MYLK: variants seen among roughly 807,000 people sequenced by gnomAD.
MYLK encodes myosin light chain kinase, also known as myosin light chain kinase, smooth muscle.
In MYLK, 106 loss-of-function variants were observed where a neutral mutation model predicts 203.4. That is an observed-to-expected ratio of 0.52 (90% CI 0.45 to 0.61). The LOEUF (loss-of-function observed/expected upper bound fraction) is 0.61. MYLK is among the 20% of genes least tolerant of loss of function. The pLI, the probability that MYLK is intolerant of heterozygous loss-of-function variation, is 0.00. For missense variants in MYLK, 2,072 were observed against 2,442.3 expected, an observed-to-expected ratio of 0.85 and a Z score of 3.20; for synonymous variants, 867 against 959.5, an observed-to-expected ratio of 0.90 and a Z score of 1.78.
At chr3:123,625,960 A>G (rs2058127993) in intron 31 of MYLK, among the ~76,000 whole-genome samples, 1 of 152,162 alleles carries the variant, frequency 6.6e-6, no homozygotes, top group African/African-American at 2.4e-5. Context: ...GGTTAAGACT[A>G]TGTGTTTTGC....
At chr3:123,708,175 T>C (rs2061537044) in intron 15 of MYLK, among the ~76,000 whole-genome samples, 172 bp from the exon 16 acceptor site, 1 of 152,166 alleles carries the variant, frequency 6.6e-6, no homozygotes, top group Admixed American at 6.5e-5. Flanking sequence ...TCATTGCACA[T>C]CCATCTCGGA....
intron 5 of MYLK, among the ~76,000 whole-genome samples, chr3:123,743,684 G>C (rs1358795261): frequency 6.6e-6 from 1 of 152,138 alleles, no homozygotes; most frequent in Admixed American, 6.5e-5. Context: ...ATTTTTCAAA[G>C]ACAAGTAAAA....
chr3:123,822,375 G>A (rs745314048), intron 3 of MYLK, among the ~76,000 whole-genome samples: 13 of 152,198 alleles, frequency 8.5e-5, no homozygotes, highest in East Asian at 7.7e-4. Context: ...GTCCCAAAGC[G>A]CAGCCCATAG....
At chr3:123,850,893 CT>C (rs1405798553) in intron 2 of MYLK, among the ~76,000 whole-genome samples, 2 of 152,182 alleles carry the variant, frequency 1.3e-5, no homozygotes, top group African/African-American at 2.4e-5. Context: ...ACATTTAAGT[CT>C]TTAATCCATC....
intron 19 of MYLK, chr3:123,692,252 C>T (rs756094123): frequency 3.9e-6 from 4 of 1,029,162 alleles, no homozygotes; most frequent in Non-Finnish European, 4.7e-6. Flanking sequence ...CTGCCCTGTC[C>T]TCTCTGTCCA....
At position 123,626,948 on chromosome 3, in the gene MYLK, G is replaced by A. The variant is rs780015220; in HGVS notation, c.5115-7C>T. On this transcript the variant is annotated splice_polypyrimidine_tract_variant and splice_region_variant and intron_variant, in intron 30 of 33. Coordinates refer to ENST00000360304, the MANE Select transcript of MYLK (RefSeq NM_053025.4). ...CGTGCAGTCCAGGCGGTTTCTGACA[G>A]AGGCAGAGATCAGGAGATTTTTGAG... 22 of 1,614,048 alleles carry A rather than the reference G, an allele frequency of 1.4e-5. No homozygotes were observed. Among genetic ancestry groups the A allele is most frequent in the Non-Finnish European group, 1.3e-5 (15 of 1,180,016 alleles).
intron 18 of MYLK, among the ~76,000 whole-genome samples, chr3:123,696,359 G>T (rs1452500104): frequency 6.6e-6 from 1 of 152,166 alleles, no homozygotes; most frequent in Non-Finnish European, 1.5e-5. Flanking sequence ...TAGCAGAGCT[G>T]ACAGGGTGGG....
rs1553777406 is a variant in MYLK, at chr3:123,638,124, C to T, written c.4908G>A (p.Glu1636=). ...ACATGTCTGTGGCGTAGCCGATGGG[C>T]TCATAGTTGATCACTTCAGGAGCCA... The part of the protein sequence containing the change: ...EFVAPEVINY[E]PIGYATDMWS... The change falls in exon 29 of 34, where the codon GAG becomes GAA. Residue 1636 remains glutamate, a synonymous_variant. Coordinates refer to ENST00000360304, the MANE Select transcript of MYLK (RefSeq NM_053025.4). 2.5e-6 allele frequency: 4 copies of T among 1,614,138 alleles called. No homozygotes were observed. In the South Asian group the frequency reaches 4.4e-5, roughly 18 times the overall value.
Position 123,822,793 on chromosome 3 carries a change from C to T in MYLK, c.-4+8755G>A, listed in dbSNP as rs74539790. On this transcript the variant is annotated intron_variant, in intron 3 of 33. Coordinates refer to ENST00000360304, the MANE Select transcript of MYLK (RefSeq NM_053025.4). ...CTAGGAAGGGACTAGTCCTGGACTT[C>T]CTTGTCATCACTGTCCCCACACCCA... 6.0e-4 allele frequency among the ~76,000 whole-genome samples: 92 copies of T among 152,298 alleles called. 2 individuals are homozygous for T. The South Asian group carries it at 0.011, about 18-fold the overall frequency.
Position 123,707,758 on chromosome 3 carries a change from G to A in MYLK, c.2386C>T (p.Leu796Phe). The stretch of plus-strand genomic sequence containing the variant: ...TGGCTGGACATGCAGACTCACTTGA[G>A]CAGGATCTCATACTGGCCGGCATGC... Reference protein sequence around the residue: ...PWHAGQYEILLKNRVGECSCQ... With the variant: ...PWHAGQYEILFKNRVGECSCQ... Residue 796 changes from leucine to phenylalanine, a missense_variant, in exon 16 of 34, where the codon CTC (leucine) becomes TTC (phenylalanine). Around this residue, in one of 3 missense-constraint regions of MYLK, gnomAD observed 865 missense variants for 1,016.0 expected, o/e 0.85. Transcript: ENST00000360304. The A allele has an allele frequency of 6.2e-7, 1 of 1,614,214 alleles. No homozygotes were observed. Among genetic ancestry groups the A allele is most frequent in the Non-Finnish European group, 8.5e-7 (1 of 1,180,044 alleles).
intron 27 of MYLK, among the ~76,000 whole-genome samples, chr3:123,641,714 C>T (rs1418287959): frequency 6.7e-6 from 1 of 150,212 alleles, no homozygotes; most frequent in Admixed American, 6.6e-5. Context: ...TCCTTCCTTC[C>T]GTCCTTCCTT....
At chr3:123,626,245 G>A (rs764230552) in intron 31 of MYLK, among the ~76,000 whole-genome samples, 6 of 152,156 alleles carry the variant, frequency 3.9e-5, no homozygotes, top group African/African-American at 1.2e-4. Flanking sequence ...GGATGATCTC[G>A]TGTAATTCTC....
Position 123,752,523 on chromosome 3 carries a change from C to T in MYLK, c.181G>A (p.Glu61Lys). Residue 61 changes from glutamate (E) to lysine (K), a missense_variant, in exon 5 of 34, where the codon GAG becomes AAG. Transcript: ENST00000360304. ...TTTCTGTGCCATGTCACCTGGGGCT[C>T]TGGGTAACCCCGGACCTTCAAGAAA... ...KFEGRVRGYP[E>K]PQVTWHRNGQ... 6.2e-7 allele frequency: 1 copy of T among 1,613,634 alleles called. No homozygotes were observed. The highest frequency in any genetic ancestry group is 8.5e-7 in the Non-Finnish European group (1 of 1,179,956).
Position 123,793,678 on chromosome 3 carries a change from C to A in MYLK, c.164G>T (p.Arg55Leu), listed in dbSNP as rs768984022. 6.2e-7 allele frequency: 1 copy of A among 1,614,092 alleles called. No homozygotes were observed. The highest frequency in any genetic ancestry group is 1.7e-5 in the Admixed American group (1 of 60,018). ...TCCCCATCCAGCCACACTTCTTACC[C>A]GCCCTTCGAACTTGGCGGTGGCTCC... ...KEGATAKFEG[R>L]VRGYPEPQVT... The change falls in exon 4 of 34, where the codon CGG (arginine) becomes CTG (leucine). Residue 55 changes from arginine (R) to leucine (L), a missense_variant and splice_region_variant. By Grantham distance (102) the Arg-to-Leu change is moderately radical. This residue lies in a region of MYLK where 683 missense variants were observed against 643.8 expected (regional missense o/e 1.06). Coordinates refer to ENST00000360304, the MANE Select transcript of MYLK (RefSeq NM_053025.4).
At chr3:123,709,242 G>A (rs549397643) in intron 14 of MYLK, 7 of 217,498 alleles carry the variant, frequency 3.2e-5, no homozygotes, top group Admixed American at 5.4e-5. Flanking sequence ...CCAGGTTCAC[G>A]CCATTCTCCT....
chr3:123,801,280 G>T (rs905698186), intron 3 of MYLK, among the ~76,000 whole-genome samples: 1 of 152,148 alleles, frequency 6.6e-6, no homozygotes, highest in African/African-American at 2.4e-5. Context: ...GACATCCAGG[G>T]CACATTTTGA....
At chr3:123,682,531 G>C (rs2060305698) in intron 19 of MYLK, among the ~76,000 whole-genome samples, 1 of 152,206 alleles carries the variant, frequency 6.6e-6, no homozygotes, top group Non-Finnish European at 1.5e-5. Context: ...TAATCCAGTG[G>C]GGACAGCACC....
chr3:123,644,936 G>A (rs1012354890), intron 27 of MYLK, among the ~76,000 whole-genome samples: 14 of 152,290 alleles, frequency 9.2e-5, no homozygotes, highest in African/African-American at 2.6e-4. Flanking sequence ...GTACTTCTTC[G>A]TGCTGATAGG....
In MYLK at chr3:123,629,706, C is replaced by T. The variant is rs890051502; in HGVS notation, c.4962-80G>A. Reference sequence around the variant, plus strand: ...GGTGAGTGGTAACTGAGGTCAAAGGCGAGGGTCGGCCAGCCTCCCCACCCC... The same window carrying T: ...GGTGAGTGGTAACTGAGGTCAAAGGTGAGGGTCGGCCAGCCTCCCCACCCC... On this transcript the variant is annotated intron_variant, in intron 29 of 33. Coordinates refer to ENST00000360304, the MANE Select transcript of MYLK (RefSeq NM_053025.4). This position sits in a 1 kb window ranked among gnomAD's most constrained non-coding sequence, Gnocchi z 4.4. The T allele has an allele frequency of 1.2e-5, 19 of 1,529,006 alleles. No individual in the cohort carries two copies. The highest frequency in any genetic ancestry group is 4.5e-5 in the East Asian group (2 of 44,168). The allele number at this position is 1,529,006 out of a possible 1,614,324, so 94.7% of individuals were successfully genotyped here. A position where few individuals can be genotyped will look rare whatever the true frequency, so the allele number is the denominator to read the frequency against.
Sources: gnomAD v4.1 joint callset for allele counts (sites outside exome capture counted in the v4.1 genomes callset) on GRCh38, gnomAD v4.1.1 for gene constraint, gnomAD v4.1.1 regional missense constraint, Gnocchi (gnomAD v3.1) non-coding constraint, MANE v1.5 for transcripts, NCBI Gene and HGNC (gene_info 2026-07-23, HGNC 2026-07-21) for gene names.